The following PTPN21 variants were observed in gnomAD, a reference collection of about 807,000 sequenced individuals.
PTPN21 encodes protein tyrosine phosphatase non-receptor type 21.
A neutral mutation model predicts 131.8 loss-of-function variants in PTPN21; 77 were observed. The ratio of observed to expected loss-of-function variants is 0.58; its 90% CI spans 0.49 to 0.71. The LOEUF is 0.71. Among genes scored for constraint, PTPN21 ranks in the 30% least tolerant of loss-of-function variants. The probability of loss-of-function intolerance (pLI) is 0.00; values close to 1 mark genes in which losing one functional copy is unlikely to be tolerated. For missense variants in PTPN21, 1,552 were observed against 1,527.1 expected (o/e 1.02, Z -0.27); for synonymous variants, 715 against 621.3 (o/e 1.15, Z -2.24).
At chr14:88,517,705 T>G (rs2078298616) in intron 2 of PTPN21, among the ~76,000 whole-genome samples, 1 of 145,572 alleles carries the variant, frequency 6.9e-6, no homozygotes, top group Non-Finnish European at 1.5e-5. Context: ...TGCGTATGTG[T>G]ATATATGTGT....
In PTPN21 at chr14:88,479,246, G is replaced by A; in HGVS notation, c.2185C>T (p.Pro729Ser). The change falls in exon 13 of 19, where the codon CCT becomes TCT. Residue 729 changes from proline (P) to serine (S), a missense_variant. Physicochemically the swap from Pro to Ser is moderately conservative, Grantham distance 74 (BLOSUM62 -1). Around this residue, in one of 4 missense-constraint regions of PTPN21, gnomAD observed 1,016 missense variants for 883.5 expected, o/e 1.15. Coordinates refer to ENST00000556564, the MANE Select transcript of PTPN21 (RefSeq NM_007039.4). ...FEEESGARAP[P>S]ARAREPRPGL... is the part of the protein sequence containing the mutation. ...GGCCGAGGCTCGCGCGCACGTGCAG[G>A]AGGCGCCCGGGCCCCGCTCTCCTCC... The A allele has an allele frequency of 6.2e-7, 1 of 1,610,658 alleles. No individual in the cohort carries two copies. Among genetic ancestry groups the A allele is most frequent in the Non-Finnish European group, 8.5e-7 (1 of 1,178,460 alleles).
chr14:88,518,687 TCC>T (rs1348237197), intron 2 of PTPN21, among the ~76,000 whole-genome samples: 2 of 151,220 alleles, frequency 1.3e-5, no homozygotes, highest in Non-Finnish European at 2.9e-5. Context: ...CACCTCGGCC[TCC>T]CAAAGTGCTA....
In PTPN21 at chr14:88,497,202, C is replaced by T. The variant is rs748292020; in HGVS notation, c.852+1G>A. The T allele has an allele frequency of 2.5e-6, 4 of 1,595,232 alleles. No individual in the cohort carries two copies. The highest frequency in any genetic ancestry group is 1.7e-6 in the Non-Finnish European group (2 of 1,162,926). Reference sequence around the variant, plus strand: ...CATGCAGACCCCTAATGTTTACTCACAGTTTGAAATTGAATGGTCTCCTCT... The same window carrying T: ...CATGCAGACCCCTAATGTTTACTCATAGTTTGAAATTGAATGGTCTCCTCT... On this transcript the variant is annotated splice_donor_variant, in intron 9 of 18. Coordinates refer to ENST00000556564, the MANE Select transcript of PTPN21 (RefSeq NM_007039.4). LOFTEE classifies it high-confidence loss of function.
chr14:88,521,270 T>C (rs2078387660), intron 2 of PTPN21, among the ~76,000 whole-genome samples: 1 of 152,234 alleles, frequency 6.6e-6, no homozygotes, highest in African/African-American at 2.4e-5. Context: ...TACAACAAAA[T>C]ACATTTCTGT....
At chr14:88,533,527 CTA>C (rs773041817) in intron 2 of PTPN21, among the ~76,000 whole-genome samples, 18 of 152,152 alleles carry the variant, frequency 1.2e-4, no homozygotes, top group Non-Finnish European at 2.5e-4. Flanking sequence ...TAATAAATGA[CTA>C]TGTTACTGAT....
chr14:88,492,962 A>G, intron 10 of PTPN21: 1 of 388,780 alleles, frequency 2.6e-6, no homozygotes, highest in Middle Eastern at 3.6e-4. Context: ...AATGAAAATG[A>G]TCTGTCAGTT....
intron 14 of PTPN21, among the ~76,000 whole-genome samples, chr14:88,473,029 T>C (rs1407933100): frequency 6.6e-6 from 1 of 152,184 alleles, no homozygotes; most frequent in Non-Finnish European, 1.5e-5. Flanking sequence ...AGATCTGTGG[T>C]CAATTTTGTG....
chr14:88,493,238 T>C (rs1228438826), intron 10 of PTPN21: 1 of 348,190 alleles, frequency 2.9e-6, no homozygotes, highest in Non-Finnish European at 5.6e-6. Flanking sequence ...TTGTTATGAA[T>C]TATTCAGGTC....
intron 12 of PTPN21, among the ~76,000 whole-genome samples, chr14:88,482,226 T>C (rs2077662154): frequency 6.6e-6 from 1 of 152,098 alleles, no homozygotes; most frequent in South Asian, 2.1e-4. Context: ...CTGGGGTGGC[T>C]AGAGTGTCAG....
chr14:88,502,252 T>C (rs562698388), intron 6 of PTPN21, among the ~76,000 whole-genome samples: 1 of 152,256 alleles, frequency 6.6e-6, no homozygotes, highest in South Asian at 2.1e-4. Flanking sequence ...TCTCTTCAGA[T>C]AGAATATGTT....
At position 88,479,052 on chromosome 14, in the gene PTPN21, C is replaced by T. The variant is rs1258880582; in HGVS notation, c.2379G>A (p.Met793Ile). 1.9e-6 allele frequency: 3 copies of T among 1,607,186 alleles called. No homozygotes were observed. The highest frequency in any genetic ancestry group is 2.2e-5 in the South Asian group (2 of 90,326). ...TGAGGTCGGACTCCGACATGGAGGGCATCAGCAGCCCGTCTCTCCAGGGCC... is the reference window on the plus strand; with the variant it reads ...TGAGGTCGGACTCCGACATGGAGGGTATCAGCAGCCCGTCTCTCCAGGGCC... ...AQRPWRDGLL[M>I]PSMSESDLTT... Residue 793 changes from methionine to isoleucine, a missense_variant, in exon 13 of 19, where the codon ATG becomes ATA. Met to Ile is a conservative substitution (Grantham distance 10). Coordinates refer to ENST00000556564, the MANE Select transcript of PTPN21 (RefSeq NM_007039.4).
chr14:88,499,409 C>T (rs1339980756), intron 8 of PTPN21: 3 of 152,250 alleles, frequency 2.0e-5, no homozygotes, highest in Non-Finnish European at 2.9e-5. Context: ...GTTTAGAAAG[C>T]TTGAGTAGTG....
chr14:88,472,175 A>G, intron 15 of PTPN21, 69 bp downstream of exon 15: 1 of 886,838 alleles, frequency 1.1e-6, no homozygotes, highest in Non-Finnish European at 1.9e-6. Flanking sequence ...ACATGAATAC[A>G]ATTCTTACCA....
chr14:88,480,645 T>C (rs973568520), intron 12 of PTPN21, among the ~76,000 whole-genome samples: 1 of 152,112 alleles, frequency 6.6e-6, no homozygotes, highest in Admixed American at 6.5e-5. Context: ...TTTGGAACTC[T>C]GGGGAAGTTG....
intron 15 of PTPN21, among the ~76,000 whole-genome samples, chr14:88,470,828 C>T (rs1381714025): frequency 6.6e-6 from 1 of 152,212 alleles, no homozygotes; most frequent in African/African-American, 2.4e-5. Context: ...TAGTGAGAAG[C>T]TGGCAGGGTA....
chr14:88,469,053 C>G lies in PTPN21; in HGVS notation c.3259G>C (p.Val1087Leu). 6.2e-7 allele frequency: 1 copy of G among 1,613,298 alleles called. No homozygotes were observed. Among genetic ancestry groups the G allele is most frequent in the Non-Finnish European group, 8.5e-7 (1 of 1,179,328 alleles). Residue 1087 changes from valine to leucine, a missense_variant, in exon 18 of 19, where the codon GTT (valine) becomes CTT (leucine). Val to Leu is a conservative substitution (Grantham distance 32). This residue lies in a region of PTPN21 where 316 missense variants were observed against 378.5 expected (regional missense o/e 0.83). Transcript: ENST00000556564. This position sits in a 1 kb window ranked among gnomAD's most constrained non-coding sequence, Gnocchi z 4.3. ...FLSYLEEIQSVRRHTNSTSDP... is the reference protein window; with the variant it reads ...FLSYLEEIQSLRRHTNSTSDP... ...CTTGTGCTATTTGTATGGCGTCGAA[C>G]AGACTGGATCTCTTCAAGATATGCT...
intron 13 of PTPN21, among the ~76,000 whole-genome samples, chr14:88,475,560 A>T (rs2077537046): frequency 6.6e-6 from 1 of 152,190 alleles, no homozygotes; most frequent in Non-Finnish European, 1.5e-5. Context: ...CATACAGACT[A>T]AACACTTCCT....
At chr14:88,486,039 C>G (rs2077727050) in intron 10 of PTPN21, among the ~76,000 whole-genome samples, 197 bp from the exon 11 acceptor site, 1 of 152,066 alleles carries the variant, frequency 6.6e-6, no homozygotes, top group Non-Finnish European at 1.5e-5. Context: ...CTGCCCCAAC[C>G]CGTCAACCTG....
chr14:88,476,084 C>T (rs1475122740), intron 13 of PTPN21, among the ~76,000 whole-genome samples: 1 of 152,190 alleles, frequency 6.6e-6, no homozygotes, highest in African/African-American at 2.4e-5. Flanking sequence ...AGATAACAAT[C>T]AGGTTGCTGG....
Sources: allele counts gnomAD v4.1 joint callset (sites outside exome capture counted in the v4.1 genomes callset), GRCh38; gene constraint gnomAD v4.1.1; regional missense constraint gnomAD v4.1.1; non-coding constraint Gnocchi (gnomAD v3.1); transcripts MANE v1.5; gene names NCBI Gene and HGNC (gene_info 2026-07-23, HGNC 2026-07-21).